The following ELOVL6 variants were observed in gnomAD, a reference collection of about 807,000 sequenced individuals.
ELOVL6 encodes the protein very long chain fatty acid elongase 6.
ELOVL6 carries 8 observed loss-of-function variants against 31.7 expected under a neutral mutation model. That is an observed-to-expected ratio of 0.25 (90% CI 0.15 to 0.45). The LOEUF (loss-of-function observed/expected upper bound fraction) is 0.45. Ranked by LOEUF, ELOVL6 falls within the 20% of genes least tolerant of loss-of-function variation. The pLI is 1.00. For missense variants in ELOVL6, 126 were observed against 326.4 expected, an observed-to-expected ratio of 0.39 and a Z score of 4.73; for synonymous variants, 101 against 117.7, an observed-to-expected ratio of 0.86 and a Z score of 0.92.
At chr4:110,136,483 A>G (rs1396008352) in intron 1 of ELOVL6, among the ~76,000 whole-genome samples, 1 of 152,208 alleles carries the variant, frequency 6.6e-6, no homozygotes, top group Non-Finnish European at 1.5e-5. Flanking sequence ...CACTTGACTG[A>G]CAGATACAAT....
intron 2 of ELOVL6, among the ~76,000 whole-genome samples, chr4:110,083,767 T>G (rs1003128228): frequency 6.7e-6 from 1 of 150,370 alleles, no homozygotes; most frequent in Admixed American, 6.6e-5. Flanking sequence ...CCAAAGATGA[T>G]GATGGTGGTG....
chr4:110,087,860 A>G (rs184383120), intron 2 of ELOVL6, among the ~76,000 whole-genome samples: 2 of 151,676 alleles, frequency 1.3e-5, no homozygotes, highest in Admixed American at 1.3e-4. Flanking sequence ...AATACTTCCA[A>G]TCAAAGAGAT....
At chr4:110,113,991 C>G (rs1003379054) in intron 1 of ELOVL6, among the ~76,000 whole-genome samples, 1 of 152,124 alleles carries the variant, frequency 6.6e-6, no homozygotes, top group Non-Finnish European at 1.5e-5. Flanking sequence ...TGGCATGCAC[C>G]TGTAGTCCCA....
rs1222821002 is a variant in ELOVL6, at chr4:110,094,427, ATATATATATATATATAAT to A, written c.221+11052_221+11069del. 3.4e-3 allele frequency among the ~76,000 whole-genome samples: 220 copies of A among 63,974 alleles called. 13 individuals are homozygous for A. The highest frequency in any genetic ancestry group is 0.01 in the African/African-American group (174 of 17,156). The allele number at this position is 63,974 out of a possible 152,430, so 42.0% of individuals were successfully genotyped here. The stretch of plus-strand genomic sequence containing the variant: ...GAAATATATATATATATATATATAT[ATATATATATATATATAAT>A]ATATATAACATAATATATATTACAT... On this transcript the variant is annotated intron_variant, in intron 2 of 3. Coordinates refer to ENST00000302274, the MANE Select transcript of ELOVL6 (RefSeq NM_024090.3).
intron 1 of ELOVL6, among the ~76,000 whole-genome samples, chr4:110,123,941 G>C (rs1042891719): frequency 6.6e-6 from 1 of 152,132 alleles, no homozygotes; most frequent in African/African-American, 2.4e-5. Flanking sequence ...AAGAAGGTTT[G>C]TTTGTTTTTA....
At chr4:110,191,785 C>A (rs1364747572) in intron 1 of ELOVL6, among the ~76,000 whole-genome samples, 1 of 151,518 alleles carries the variant, frequency 6.6e-6, no homozygotes, top group Non-Finnish European at 1.5e-5. Flanking sequence ...GAGCCAAGAC[C>A]AGGCTCAAAA....
chr4:110,180,726 T>C (rs1337339183), intron 1 of ELOVL6, among the ~76,000 whole-genome samples: 2 of 152,208 alleles, frequency 1.3e-5, no homozygotes, highest in African/African-American at 4.8e-5. Flanking sequence ...CTTTGTTTTC[T>C]TATATCCAGA....
chr4:110,142,094 G>A (rs775424698), intron 1 of ELOVL6, among the ~76,000 whole-genome samples: 52 of 130,782 alleles, frequency 4.0e-4, no homozygotes, highest in African/African-American at 9.6e-4. Flanking sequence ...TTTTTGAGAC[G>A]GAGTCTCGCT....
chr4:110,079,471 A>C (rs1185469766), intron 2 of ELOVL6, among the ~76,000 whole-genome samples: 2 of 152,094 alleles, frequency 1.3e-5, no homozygotes, highest in African/African-American at 4.8e-5. Context: ...AAAACTGAAC[A>C]ACCTGCTCCT....
At chr4:110,067,646 A>G (rs1353135874) in intron 2 of ELOVL6, among the ~76,000 whole-genome samples, 5 of 152,234 alleles carry the variant, frequency 3.3e-5, no homozygotes, top group Non-Finnish European at 5.9e-5. Context: ...CATGAAATGT[A>G]CCAACGATCT....
At position 110,198,336 on chromosome 4, in the gene ELOVL6, T is replaced by TG. The variant is rs751404094; in HGVS notation, c.-2dup. 3.6e-4 allele frequency: 566 copies of TG among 1,592,910 alleles called. 4 individuals are homozygous for TG. The highest frequency in any genetic ancestry group is 1.7e-4 in the Middle Eastern group (1 of 6,048). ...GTAAAGTCAACACTGACATGTTCAT[T>TG]GGGGCTGATCTTCGGAGTCGCTACG... On this transcript the variant is annotated 5_prime_UTR_variant, in exon 1 of 4. Transcript: ENST00000302274.
rs140966587 is a variant in ELOVL6, at chr4:110,193,597, C to T, written c.89+4650G>A. Among the ~76,000 whole-genome samples the T allele has an allele frequency of 2.8e-4, 43 of 152,208 alleles. 1 individual carries two copies. The East Asian group carries it at 6.2e-3, about 22-fold the overall frequency. ...CCAGCCTGGGCAACAGAGTGAGACC[C>T]TGTCTCAAAAATAAAACAAAATAAA... On this transcript the variant is annotated intron_variant, in intron 1 of 3. Coordinates refer to ENST00000302274, the MANE Select transcript of ELOVL6 (RefSeq NM_024090.3).
At chr4:110,158,657 A>ATATATATTTTTTTT in intron 1 of ELOVL6, among the ~76,000 whole-genome samples, 1 of 74,158 alleles carries the variant, frequency 1.3e-5, no homozygotes, top group African/African-American at 8.3e-5. Flanking sequence ...ATATATATAT[A>ATATATATTTTTTTT]TTTTTTTTTT....
chr4:110,049,286 A>T lies in ELOVL6; in HGVS notation c.*2052T>A, dbSNP rs914245056. Reference sequence around the variant, plus strand: ...GACTGCTCACAATCATTTAACATAGATGTAACAGCTTTCCTCCCCTGCACT... The same window carrying T: ...GACTGCTCACAATCATTTAACATAGTTGTAACAGCTTTCCTCCCCTGCACT... On this transcript the variant is annotated 3_prime_UTR_variant, in exon 4 of 4. Transcript: ENST00000302274. 6.6e-6 allele frequency: 1 copy of T among 152,284 alleles called. No homozygotes were observed. The highest frequency in any genetic ancestry group is 1.5e-5 in the Non-Finnish European group (1 of 68,068). 9.4% of individuals were successfully genotyped at this position (152,284 alleles called of 1,614,324 possible).
chr4:110,143,780 G>T (rs1283340086), intron 1 of ELOVL6, among the ~76,000 whole-genome samples: 3 of 152,192 alleles, frequency 2.0e-5, no homozygotes, highest in Non-Finnish European at 4.4e-5. Context: ...GGCAGGCCGG[G>T]CGCAGTGGCT....
intron 2 of ELOVL6, among the ~76,000 whole-genome samples, chr4:110,103,209 A>C (rs1267492131): frequency 6.6e-6 from 1 of 152,158 alleles, no homozygotes; most frequent in Non-Finnish European, 1.5e-5. Flanking sequence ...GCAGCATGAA[A>C]ACGAACTAAT....
intron 1 of ELOVL6, among the ~76,000 whole-genome samples, chr4:110,137,391 A>G (rs1299141750): frequency 6.6e-6 from 1 of 152,150 alleles, no homozygotes; most frequent in Non-Finnish European, 1.5e-5. Context: ...TCTTTGGGGC[A>G]AAGTTGGAAA....
intron 1 of ELOVL6, among the ~76,000 whole-genome samples, chr4:110,155,035 C>T (rs75629198): frequency 0.037 from 5,558 of 152,098 alleles, 330 homozygotes; most frequent in African/African-American, 0.13. Flanking sequence ...TATATGCTTG[C>T]TACAATATAT....
chr4:110,176,355 G>A (rs1759105144), intron 1 of ELOVL6, among the ~76,000 whole-genome samples: 1 of 152,036 alleles, frequency 6.6e-6, no homozygotes, highest in Non-Finnish European at 1.5e-5. Flanking sequence ...CAGAGATGGG[G>A]TTTCACCATG....
Sources: allele counts gnomAD v4.1 joint callset (sites outside exome capture counted in the v4.1 genomes callset), GRCh38; gene constraint gnomAD v4.1.1; transcripts MANE v1.5; gene names NCBI Gene and HGNC (gene_info 2026-07-23, HGNC 2026-07-21).